The following PRKN variants were observed in gnomAD, a reference collection of about 807,000 sequenced individuals.
PRKN encodes the protein parkin RBR E3 ubiquitin protein ligase.
A neutral mutation model predicts 59.5 loss-of-function variants in PRKN; 56 were observed. The observed-to-expected ratio is 0.94, with a 90% CI of 0.76 to 1.18. The LOEUF (loss-of-function observed/expected upper bound fraction) is 1.18. Ranked by LOEUF, PRKN falls within the 50% of genes most tolerant of loss-of-function variation. The pLI is 0.00. For missense variants in PRKN, 657 were observed against 596.4 expected, an observed-to-expected ratio of 1.10 and a Z score of -1.06; for synonymous variants, 250 against 222.1, an observed-to-expected ratio of 1.13 and a Z score of -1.12.
chr6:161,964,661 A>T (rs976931035), intron 6 of PRKN, among the ~76,000 whole-genome samples: 5 of 152,036 alleles, frequency 3.3e-5, no homozygotes, highest in African/African-American at 9.7e-5. Flanking sequence ...GTGCACAAAC[A>T]CTGGTGCTAC....
intron 9 of PRKN, among the ~76,000 whole-genome samples, chr6:161,476,805 C>T (rs1001113489): frequency 6.6e-6 from 1 of 152,164 alleles, no homozygotes; most frequent in African/African-American, 2.4e-5. Flanking sequence ...GTCATTACAA[C>T]GAAATGAGAC....
At chr6:161,565,065 C>T (rs1780589878) in intron 8 of PRKN, among the ~76,000 whole-genome samples, 1 of 152,202 alleles carries the variant, frequency 6.6e-6, no homozygotes, top group East Asian at 1.9e-4. Context: ...TCTCTCTCAT[C>T]TGGGTTCTCT....
chr6:161,681,879 T>C (rs1785378217), intron 7 of PRKN, among the ~76,000 whole-genome samples: 1 of 152,244 alleles, frequency 6.6e-6, no homozygotes, highest in South Asian at 2.1e-4. Flanking sequence ...TAGAGCCCTT[T>C]GTACCTGTGC....
intron 8 of PRKN, among the ~76,000 whole-genome samples, chr6:161,558,508 T>A (rs1449359910): frequency 3.3e-5 from 5 of 151,584 alleles, no homozygotes; most frequent in East Asian, 3.9e-4. Flanking sequence ...AAGGCTTCAG[T>A]GAGCTGTGAT....
intron 1 of PRKN, among the ~76,000 whole-genome samples, chr6:162,625,649 A>ATG (rs969057289): frequency 2.0e-5 from 3 of 151,294 alleles, no homozygotes; most frequent in East Asian, 1.9e-4. Flanking sequence ...CACCATTTGC[A>ATG]TGTGTGTGTG....
At chr6:161,662,792 A>T (rs1161993874) in intron 7 of PRKN, among the ~76,000 whole-genome samples, 1 of 152,120 alleles carries the variant, frequency 6.6e-6, no homozygotes, top group Non-Finnish European at 1.5e-5. Context: ...TATTTTATGG[A>T]GCACCCACAG....
intron 2 of PRKN, among the ~76,000 whole-genome samples, chr6:162,349,136 A>C (rs1476486015): frequency 6.6e-6 from 1 of 151,994 alleles, no homozygotes; most frequent in African/African-American, 2.4e-5. Context: ...TTAGGGTAAA[A>C]ATTACATGAA....
chr6:162,322,391 T>C (rs910725095), intron 2 of PRKN, among the ~76,000 whole-genome samples: 1 of 152,074 alleles, frequency 6.6e-6, no homozygotes, highest in African/African-American at 2.4e-5. Flanking sequence ...AATCTACAGA[T>C]TGTCAATCAA....
intron 1 of PRKN, among the ~76,000 whole-genome samples, chr6:162,530,882 C>T (rs1029577923): frequency 6.0e-5 from 9 of 150,024 alleles, no homozygotes; most frequent in Non-Finnish European, 1.3e-4. Flanking sequence ...CATGGTGAAA[C>T]CCTGTCTCTA....
chr6:161,524,346 T>C (rs1778943112), intron 9 of PRKN, among the ~76,000 whole-genome samples: 2 of 152,168 alleles, frequency 1.3e-5, no homozygotes. Flanking sequence ...AATTATATTT[T>C]ATTTTTTTAT....
chr6:162,012,874 G>A lies in PRKN; in HGVS notation c.619-39457C>T, dbSNP rs142019194. Among the ~76,000 whole-genome samples, 926 of 152,206 alleles carry A rather than the reference G, an allele frequency of 6.1e-3. 13 individuals carry two copies. Among genetic ancestry groups the A allele is most frequent in the African/African-American group, 0.02 (835 of 41,534 alleles). On this transcript the variant is annotated intron_variant, in intron 5 of 11. Coordinates refer to ENST00000366898, the MANE Select transcript of PRKN (RefSeq NM_004562.3). ...TTTATATTAGGAGACACATGCTATCGTTTGTCCCAATATTTCAGCTTTGAT... is the reference window on the plus strand; with the variant it reads ...TTTATATTAGGAGACACATGCTATCATTTGTCCCAATATTTCAGCTTTGAT...
rs867851246 is a variant in PRKN at position 161,518,469 on chromosome 6, A to G, written c.1083+30385T>C. Among the ~76,000 whole-genome samples, 1 of 152,232 alleles carries G rather than the reference A, an allele frequency of 6.6e-6. No homozygotes were observed. Among genetic ancestry groups the G allele is most frequent in the Non-Finnish European group, 1.5e-5 (1 of 68,034 alleles). ...CAGCCTGGGCAGCAAGGTCAAGTGC[A>G]GGCTGCTGTGGCACTGGGCGCTGCC... On this transcript the variant is annotated intron_variant, in intron 9 of 11. Coordinates refer to ENST00000366898, the MANE Select transcript of PRKN (RefSeq NM_004562.3). The surrounding 1 kb of genome is among the most constrained non-coding windows in gnomAD (Gnocchi z 5.0).
intron 1 of PRKN, among the ~76,000 whole-genome samples, chr6:162,701,512 T>C (rs1778150827): frequency 6.6e-6 from 1 of 151,854 alleles, no homozygotes; most frequent in Admixed American, 6.6e-5. Context: ...GCACTGGAAT[T>C]AACCCTATAA....
chr6:161,699,534 T>C (rs1482222169), intron 7 of PRKN, among the ~76,000 whole-genome samples: 1 of 152,190 alleles, frequency 6.6e-6, no homozygotes, highest in Non-Finnish European at 1.5e-5. Context: ...ACAACATGGA[T>C]AACCTTAATA....
At chr6:162,604,306 C>T (rs969365633) in intron 1 of PRKN, among the ~76,000 whole-genome samples, 1 of 152,184 alleles carries the variant, frequency 6.6e-6, no homozygotes, top group Non-Finnish European at 1.5e-5. Flanking sequence ...CTCTGAGGCA[C>T]CTGTGGTAAT....
At chr6:161,959,118 C>T (rs1780288076) in intron 6 of PRKN, among the ~76,000 whole-genome samples, 1 of 152,138 alleles carries the variant, frequency 6.6e-6, no homozygotes, top group Non-Finnish European at 1.5e-5. Flanking sequence ...CTGTCCTAAA[C>T]AACTTTTCGC....
intron 7 of PRKN, among the ~76,000 whole-genome samples, chr6:161,613,206 C>T (rs1188619344): frequency 6.6e-6 from 1 of 152,094 alleles, no homozygotes. Flanking sequence ...TCCTGGATGA[C>T]TCTGAGGGCT....
At chr6:162,348,515 A>G (rs1015694501) in intron 2 of PRKN, among the ~76,000 whole-genome samples, 1 of 152,196 alleles carries the variant, frequency 6.6e-6, no homozygotes, top group Non-Finnish European at 1.5e-5. Flanking sequence ...TCTATAATAT[A>G]AAACTAAATA....
chr6:162,495,424 A>C (rs780641845), intron 1 of PRKN, among the ~76,000 whole-genome samples: 28 of 152,110 alleles, frequency 1.8e-4, no homozygotes, highest in Non-Finnish European at 2.6e-4. Flanking sequence ...TGTCCAAATG[A>C]CACAGTGGGC....
Sources: allele counts gnomAD v4.1 joint callset (sites outside exome capture counted in the v4.1 genomes callset), GRCh38; gene constraint gnomAD v4.1.1; non-coding constraint Gnocchi (gnomAD v3.1); transcripts MANE v1.5; gene names NCBI Gene and HGNC (gene_info 2026-07-23, HGNC 2026-07-21).